SLC35A5: variants seen among roughly 807,000 people sequenced by gnomAD.
SLC35A5 encodes UDP-sugar transporter protein SLC35A5.
Under a neutral mutation model 36.3 loss-of-function variants are expected in SLC35A5, and 28 were observed. That is an observed-to-expected ratio of 0.77 (90% CI 0.57 to 1.06). The LOEUF (loss-of-function observed/expected upper bound fraction) is 1.06, where lower values mean the gene tolerates loss of function less well. Among genes scored for constraint, SLC35A5 ranks in the 50% least tolerant of loss-of-function variants. The pLI is 0.00. For missense variants in SLC35A5, 521 were observed against 499.3 expected (o/e 1.04, Z -0.41); for synonymous variants, 180 against 173.7 (o/e 1.04, Z -0.29).
intron 5 of SLC35A5, among the ~76,000 whole-genome samples, chr3:112,577,833 C>G (rs1265215060): frequency 6.6e-6 from 1 of 152,202 alleles, no homozygotes; most frequent in Admixed American, 6.5e-5. Flanking sequence ...TAAATTTTCT[C>G]TGTGACTTCT....
chr3:112,569,174 A>G lies in SLC35A5; in HGVS notation c.134A>G (p.Asn45Ser). 1.2e-6 allele frequency: 2 copies of G among 1,612,164 alleles called. No homozygotes were observed. The highest frequency in any genetic ancestry group is 1.7e-6 in the Non-Finnish European group (2 of 1,178,724). The part of the protein sequence containing the change: ...LLVKYSANEE[N>S]KYDYLPTTVN... ...AAACATTTCTGTTACATTTCAGAAA[A>G]CAAGTATGATTATCTTCCAACTACT... The change falls in exon 3 of 7, where the codon AAC becomes AGC. Residue 45 changes from asparagine (N) to serine (S), a missense_variant. Transcript: ENST00000492406.
At chr3:112,565,064 T>C (rs760794731) in intron 2 of SLC35A5, among the ~76,000 whole-genome samples, 5 of 151,948 alleles carry the variant, frequency 3.3e-5, no homozygotes, top group Non-Finnish European at 4.4e-5. Flanking sequence ...ACTTGGAGAG[T>C]CAGATGTGTA....
Position 112,563,548 on chromosome 3 carries a change from G to A in SLC35A5, c.130+15G>A. ...TGCCAATGAAGGTAAGTTAAGACTT[G>A]GTATATGCATGGAGCACTTCCATCT... On this transcript the variant is annotated intron_variant, in intron 2 of 6. Coordinates refer to ENST00000492406, the MANE Select transcript of SLC35A5 (RefSeq NM_017945.5). 2.5e-6 allele frequency: 4 copies of A among 1,586,692 alleles called. No individual in the cohort carries two copies. The highest frequency in any genetic ancestry group is 3.4e-6 in the Non-Finnish European group (4 of 1,159,862).
At chr3:112,564,985 C>T (rs561837243) in intron 2 of SLC35A5, among the ~76,000 whole-genome samples, 1 of 152,284 alleles carries the variant, frequency 6.6e-6, no homozygotes, top group African/African-American at 2.4e-5. Flanking sequence ...GACACAGTAA[C>T]AATCTGATCT....
chr3:112,581,862 A>G (rs757084550), intron 6 of SLC35A5, among the ~76,000 whole-genome samples: 27 of 152,152 alleles, frequency 1.8e-4, no homozygotes, highest in Non-Finnish European at 3.2e-4. Context: ...GGGTTTGTTT[A>G]TTTCACTAGA....
Position 112,580,918 on chromosome 3 carries a change from G to T in SLC35A5, c.801G>T (p.Gln267His). Residue 267 changes from glutamine (Q) to histidine (H), a missense_variant, in exon 6 of 7, where the codon CAG becomes CAT. Coordinates refer to ENST00000492406, the MANE Select transcript of SLC35A5 (RefSeq NM_017945.5). ...GNQLTESIFI[Q>H]NSKLYFFGIL... is the part of the protein sequence containing the mutation. ...AGCTCACTGAAAGCATCTTCATACA[G>T]AACAGCAAACTCTATTTCTTTGGCA... 2 of 1,614,130 alleles carry T rather than the reference G, an allele frequency of 1.2e-6. No individual in the cohort carries two copies. Among genetic ancestry groups the T allele is most frequent in the South Asian group, 2.2e-5 (2 of 91,086 alleles).
At chr3:112,578,542 A>G (rs530995360) in intron 5 of SLC35A5, among the ~76,000 whole-genome samples, 1 of 152,282 alleles carries the variant, frequency 6.6e-6, no homozygotes, top group South Asian at 2.1e-4. Context: ...CTGAAGAACA[A>G]ATTGGGCCTA....
intron 4 of SLC35A5, among the ~76,000 whole-genome samples, chr3:112,573,387 G>A (rs573640335): frequency 9.8e-4 from 149 of 152,288 alleles, no homozygotes; most frequent in African/African-American, 3.4e-3. Flanking sequence ...TCAGTGCGCA[G>A]GGCTGTCAAG....
intron 5 of SLC35A5, among the ~76,000 whole-genome samples, chr3:112,576,247 C>T (rs1239146296): frequency 6.6e-6 from 1 of 152,034 alleles, no homozygotes; most frequent in East Asian, 1.9e-4. Flanking sequence ...CCTGCCTCAG[C>T]CTCCCCAGTA....
At chr3:112,565,437 C>T (rs147979278) in intron 2 of SLC35A5, among the ~76,000 whole-genome samples, 127 of 152,236 alleles carry the variant, frequency 8.3e-4, no homozygotes, top group African/African-American at 2.8e-3. Context: ...CATAAAAAAG[C>T]AGGATATGTT....
chr3:112,566,246 G>A (rs1201981449), intron 2 of SLC35A5, among the ~76,000 whole-genome samples: 5 of 152,304 alleles, frequency 3.3e-5, no homozygotes, highest in Admixed American at 6.5e-5. Flanking sequence ...AGAGTAGGTT[G>A]GGCAGAGTTT....
chr3:112,579,520 A>G (rs939513387), intron 5 of SLC35A5, among the ~76,000 whole-genome samples: 4 of 152,056 alleles, frequency 2.6e-5, no homozygotes, highest in Admixed American at 6.6e-5. Context: ...CCTCTTTGTC[A>G]ACATTGTACA....
chr3:112,575,504 C>T (rs1429027237), intron 5 of SLC35A5, among the ~76,000 whole-genome samples: 1 of 151,904 alleles, frequency 6.6e-6, no homozygotes, highest in Non-Finnish European at 1.5e-5. Flanking sequence ...TTATACTATA[C>T]ATTTTAAATA....
chr3:112,561,467 G>A, upstream of SLC35A5: 1 of 1,613,442 alleles, frequency 6.2e-7, no homozygotes, highest in Non-Finnish European at 8.5e-7. Context: ...CTTGAGGACC[G>A]GGGTCAGGTA....
Position 112,575,280 on chromosome 3 carries a change from T to C in SLC35A5, c.428+1324T>C, listed in dbSNP as rs967270160. Among the ~76,000 whole-genome samples, 8 of 152,148 alleles carry C rather than the reference T, an allele frequency of 5.3e-5. 1 individual carries two copies. Among genetic ancestry groups the C allele is most frequent in the South Asian group, 4.1e-4 (2 of 4,836 alleles). On this transcript the variant is annotated intron_variant, in intron 5 of 6. Transcript: ENST00000492406. ...GTCATTTACTTTAAATGAGTACAGA[T>C]GGTATTATACTGAAGTTGTATAATA...
Position 112,582,855 on chromosome 3 carries a change from A to G in SLC35A5, c.*119A>G, listed in dbSNP as rs569648536. 3.4e-5 allele frequency: 29 copies of G among 864,586 alleles called. No individual in the cohort carries two copies. Among genetic ancestry groups the G allele is most frequent in the Middle Eastern group, 2.3e-4 (1 of 4,272 alleles). The allele number at this position is 864,586 out of a possible 1,614,324, so 53.6% of individuals were successfully genotyped here. ...GTTTCTAAATCCTAATATTCTTTGC[A>G]TATATCTAGCTACTCCCTAAATGGT... On this transcript the variant is annotated 3_prime_UTR_variant, in exon 7 of 7. Transcript: ENST00000492406.
At chr3:112,567,932 G>A (rs1244366148) in intron 2 of SLC35A5, among the ~76,000 whole-genome samples, 1 of 152,238 alleles carries the variant, frequency 6.6e-6, no homozygotes, top group Non-Finnish European at 1.5e-5. Flanking sequence ...GGATAACAGA[G>A]TGTGAGTTAA....
chr3:112,567,291 C>T (rs558081881), intron 2 of SLC35A5, among the ~76,000 whole-genome samples: 6 of 151,886 alleles, frequency 4.0e-5, no homozygotes, highest in African/African-American at 1.4e-4. Context: ...GAAATGGAGC[C>T]AAGTATCTGA....
chr3:112,580,441 G>T, intron 5 of SLC35A5, 105 bp from the exon 6 acceptor site: 1 of 1,280,246 alleles, frequency 7.8e-7, no homozygotes, highest in Non-Finnish European at 1.1e-6. Flanking sequence ...AGCAAAAACT[G>T]GGTCCAGTTT....
Sources: gnomAD v4.1 joint callset for allele counts (sites outside exome capture counted in the v4.1 genomes callset) on GRCh38, gnomAD v4.1.1 for gene constraint, MANE v1.5 for transcripts, NCBI Gene and HGNC (gene_info 2026-07-23, HGNC 2026-07-21) for gene names.